Variants in GTPBP10 observed in about 807,000 individuals in gnomAD.
The protein encoded by GTPBP10 is GTP-binding protein 10.
Under a neutral mutation model 44.8 loss-of-function variants are expected in GTPBP10, and 38 were observed. The observed-to-expected ratio is 0.85, with a 90% CI of 0.65 to 1.11. GTPBP10 has a LOEUF of 1.11. Ranked by LOEUF, GTPBP10 falls within the 50% of genes most tolerant of loss-of-function variation. GTPBP10 has a pLI of 0.00. For missense variants in GTPBP10, 462 were observed against 453.7 expected (o/e 1.02, Z -0.17); for synonymous variants, 152 against 150.6 (o/e 1.01, Z -0.07).
Position 90,360,179 on chromosome 7 carries a change from A to G in GTPBP10, c.464+4949A>G, listed in dbSNP as rs535223684. 8.2e-4 allele frequency among the ~76,000 whole-genome samples: 124 copies of G among 152,092 alleles called. 2 individuals are homozygous for G. Among genetic ancestry groups the G allele is most frequent in the African/African-American group, 2.8e-3 (118 of 41,486 alleles). ...TTTGTCAATTTTGTCTTTTGTTGCC[A>G]TTGCTTTTGGTGTTTTAGACATGAA... On this transcript the variant is annotated intron_variant, in intron 4 of 9. Coordinates refer to ENST00000222511, the MANE Select transcript of GTPBP10 (RefSeq NM_033107.4).
At position 90,372,146 on chromosome 7, in the gene GTPBP10, T is replaced by G; in HGVS notation, c.465-9T>G. 1 of 1,567,502 alleles carries G rather than the reference T, an allele frequency of 6.4e-7. No individual in the cohort carries two copies. Among genetic ancestry groups the G allele is most frequent in the Non-Finnish European group, 8.8e-7 (1 of 1,141,910 alleles). ...GACATTTGTGTATAATTTTATATTC[T>G]TGTTTCAGATTCCCAAATGCTGGAA... On this transcript the variant is annotated splice_polypyrimidine_tract_variant and intron_variant, in intron 4 of 9. Transcript: ENST00000222511.
intron 4 of GTPBP10, among the ~76,000 whole-genome samples, chr7:90,367,810 T>C (rs137892404): frequency 0.098 from 14,898 of 152,286 alleles, 1,012 homozygotes; most frequent in Non-Finnish European, 0.15. Context: ...TGTGTAAATT[T>C]GATCCTGCCA....
At chr7:90,382,933 G>T in intron 8 of GTPBP10, 23 bp from the exon 9 acceptor site, 1 of 1,455,548 alleles carries the variant, frequency 6.9e-7, no homozygotes, top group Non-Finnish European at 9.2e-7. Flanking sequence ...TAAAATTATT[G>T]GGTTTTCTCT....
intron 4 of GTPBP10, among the ~76,000 whole-genome samples, chr7:90,357,362 C>T (rs1795923852): frequency 6.6e-6 from 1 of 152,092 alleles, no homozygotes; most frequent in African/African-American, 2.4e-5. Context: ...ATAAAAACAG[C>T]TGCAATTTGC....
At chr7:90,353,168 T>G (rs1156720732) in intron 2 of GTPBP10, 159 bp downstream of exon 2, 1 of 490,546 alleles carries the variant, frequency 2.0e-6, no homozygotes, top group East Asian at 3.1e-5. Context: ...CATAAAAGAC[T>G]GATACTAAAG....
intron 3 of GTPBP10, among the ~76,000 whole-genome samples, 157 bp from the exon 4 acceptor site, chr7:90,354,929 T>C (rs1795865056): frequency 6.6e-6 from 1 of 152,220 alleles, no homozygotes. Context: ...TCCTGGCATG[T>C]ATTTTTGAAA....
chr7:90,374,352 C>T lies in GTPBP10; in HGVS notation c.589C>T (p.Gln197Ter), dbSNP rs763498383. 1.3e-6 allele frequency: 2 copies of T among 1,579,616 alleles called. No individual in the cohort carries two copies. The highest frequency in any genetic ancestry group is 4.5e-5 in the East Asian group (2 of 44,608). ...LGKIMYSDFKQISVADLPGLI... is the reference protein window; with the variant it reads ...LGKIMYSDFK ...AAAGATAATGTACAGTGATTTCAAA[C>T]AGGTAGGTATTTTTAAAGTAAAACA... Residue 197 changes from glutamine to a stop codon, truncating the protein, a stop_gained and splice_region_variant, in exon 6 of 10, where the codon CAG (glutamine) becomes TAG (stop). Coordinates refer to ENST00000222511, the MANE Select transcript of GTPBP10 (RefSeq NM_033107.4). LOFTEE classifies it high-confidence loss of function.
At chr7:90,355,490 A>G (rs1397002715) in intron 4 of GTPBP10, among the ~76,000 whole-genome samples, 1 of 152,192 alleles carries the variant, frequency 6.6e-6, no homozygotes, top group East Asian at 1.9e-4. Context: ...ATAAAGAAAG[A>G]AAAATCAATC....
chr7:90,353,834 C>CTT (rs67999607), intron 2 of GTPBP10, among the ~76,000 whole-genome samples: 141 of 144,302 alleles, frequency 9.8e-4, no homozygotes, highest in Admixed American at 1.5e-3. Flanking sequence ...TTCATTTTTT[C>CTT]TTTTTTTTTT....
rs1436705764 is a variant in GTPBP10 at position 90,385,178 on chromosome 7, G to A, written c.*24G>A. The A allele has an allele frequency of 6.6e-7, 1 of 1,513,706 alleles. No individual in the cohort carries two copies. 93.8% of individuals were successfully genotyped at this position (1,513,706 alleles called of 1,614,324 possible). ...AAATATATTAAAAATGGTATTGATG[G>A]AACAGTATTTAATGCTTAAAAACAA... On this transcript the variant is annotated 3_prime_UTR_variant, in exon 10 of 10. Coordinates refer to ENST00000222511, the MANE Select transcript of GTPBP10 (RefSeq NM_033107.4).
At chr7:90,370,791 G>A (rs750368225) in intron 4 of GTPBP10, among the ~76,000 whole-genome samples, 5 of 152,152 alleles carry the variant, frequency 3.3e-5, no homozygotes, top group Admixed American at 2.6e-4. Flanking sequence ...AGATCACGAG[G>A]TCAGGAGATT....
intron 1 of GTPBP10, among the ~76,000 whole-genome samples, chr7:90,350,229 T>G (rs1795763776): frequency 6.6e-6 from 1 of 152,122 alleles, no homozygotes; most frequent in Non-Finnish European, 1.5e-5. Flanking sequence ...TGCATCCATG[T>G]CACTCATCCT....
At chr7:90,376,853 T>A (rs1299718788) in intron 6 of GTPBP10, among the ~76,000 whole-genome samples, 1 of 152,246 alleles carries the variant, frequency 6.6e-6, no homozygotes, top group Non-Finnish European at 1.5e-5. Flanking sequence ...CATAGATTTT[T>A]ACGAATTTGG....
rs1400280897 is a variant in GTPBP10 at position 90,386,330 on chromosome 7, T to G, written c.*1176T>G. On this transcript the variant is annotated 3_prime_UTR_variant, in exon 10 of 10. Coordinates refer to ENST00000222511, the MANE Select transcript of GTPBP10 (RefSeq NM_033107.4). ...AATTTGAATACATGTTCAATGATAG[T>G]AAAGATATGACAGAAACTAGAAGAT... 2 of 152,186 alleles carry G rather than the reference T, an allele frequency of 1.3e-5. No homozygotes were observed. Among genetic ancestry groups the G allele is most frequent in the Non-Finnish European group, 2.9e-5 (2 of 68,028 alleles). The allele number at this position is 152,186 out of a possible 1,614,324, so 9.4% of individuals were successfully genotyped here.
intron 1 of GTPBP10, among the ~76,000 whole-genome samples, chr7:90,351,956 A>G (rs1379310739): frequency 6.6e-6 from 1 of 152,226 alleles, no homozygotes; most frequent in Non-Finnish European, 1.5e-5. Flanking sequence ...TTGGCCTCCC[A>G]GAGTGCTGGG....
chr7:90,353,510 CAT>C (rs1347543630), intron 2 of GTPBP10, among the ~76,000 whole-genome samples: 7 of 152,130 alleles, frequency 4.6e-5, no homozygotes, highest in Admixed American at 1.3e-4. Context: ...CTTTTTTTCA[CAT>C]GTCAAAATTA....
chr7:90,370,281 G>T (rs551434773), intron 4 of GTPBP10, among the ~76,000 whole-genome samples: 1 of 151,906 alleles, frequency 6.6e-6, no homozygotes, highest in Admixed American at 6.6e-5. Context: ...ATTCAGAATT[G>T]CAAAGACATG....
At chr7:90,358,605 T>C (rs756667051) in intron 4 of GTPBP10, among the ~76,000 whole-genome samples, 3 of 152,114 alleles carry the variant, frequency 2.0e-5, no homozygotes, top group Non-Finnish European at 4.4e-5. Context: ...TCTCATTATA[T>C]ACGAAAATTA....
chr7:90,365,880 G>A (rs543385279), intron 4 of GTPBP10, among the ~76,000 whole-genome samples: 8 of 152,280 alleles, frequency 5.3e-5, no homozygotes, highest in South Asian at 2.1e-4. Context: ...TTCTTATTCC[G>A]TATGAGATTG....
Sources: gnomAD v4.1 joint callset for allele counts (sites outside exome capture counted in the v4.1 genomes callset) on GRCh38, gnomAD v4.1.1 for gene constraint, MANE v1.5 for transcripts, NCBI Gene and HGNC (gene_info 2026-07-23, HGNC 2026-07-21) for gene names.